VIPR2: variants seen among roughly 807,000 people sequenced by gnomAD.
VIPR2 encodes vasoactive intestinal peptide receptor 2.
Under a neutral mutation model 58.0 loss-of-function variants are expected in VIPR2, and 48 were observed. The observed-to-expected ratio is 0.83, with a 90% confidence interval of 0.66 to 1.05. The LOEUF is 1.05. VIPR2 is among the 50% of genes least tolerant of loss of function. The probability of loss-of-function intolerance (pLI) is 0.00; values close to 1 mark genes in which losing one functional copy is unlikely to be tolerated. For missense variants in VIPR2, 534 were observed against 558.0 expected (o/e 0.96, Z 0.43); for synonymous variants, 243 against 235.2 (o/e 1.03, Z -0.30).
At chr7:159,063,237 G>A (rs1051995566) in intron 4 of VIPR2, among the ~76,000 whole-genome samples, 1 of 146,318 alleles carries the variant, frequency 6.8e-6, no homozygotes, top group Non-Finnish European at 1.5e-5. Flanking sequence ...CGGCGGGGTG[G>A]GGGGAGACTC....
chr7:159,142,015 TC>T (rs199575286), intron 2 of VIPR2, among the ~76,000 whole-genome samples: 2,120 of 152,254 alleles, frequency 0.014, 27 homozygotes, highest in Non-Finnish European at 0.021. Context: ...ACAACCAAAG[TC>T]CCATTTTCCT....
chr7:159,128,475 G>A lies in VIPR2; in HGVS notation c.151+13971C>T, dbSNP rs1376480657. 6.6e-6 allele frequency among the ~76,000 whole-genome samples: 1 copy of A among 152,118 alleles called. No individual in the cohort carries two copies. The highest frequency in any genetic ancestry group is 1.5e-5 in the Non-Finnish European group (1 of 68,004). ...CCCCTGGCCACTCCCCTCCTGCCTT[G>A]GGCCTCCCACCTGTGTGCTGGGACC... On this transcript the variant is annotated intron_variant, in intron 2 of 12. Coordinates refer to ENST00000262178, the MANE Select transcript of VIPR2 (RefSeq NM_003382.5). The surrounding 1 kb of genome is among the most constrained non-coding windows in gnomAD (Gnocchi z 4.1).
At chr7:159,117,520 C>T (rs545760007) in intron 2 of VIPR2, 27 of 673,590 alleles carry the variant, frequency 4.0e-5, no homozygotes, top group Admixed American at 1.3e-4. Context: ...GAGTCATGGA[C>T]ACAGATGGGT....
chr7:159,107,696 G>A lies in VIPR2; in HGVS notation c.259+2116C>T, dbSNP rs1247620002. ...GGAGCTGCCCGCTGCTTCTGGAACT[G>A]CTGCAGGGCAGGGTTAGGACCCGGG... On this transcript the variant is annotated intron_variant, in intron 3 of 12. Transcript: ENST00000262178. 2.6e-5 allele frequency among the ~76,000 whole-genome samples: 4 copies of A among 152,272 alleles called. No individual in the cohort carries two copies. In the East Asian group the frequency reaches 5.8e-4, roughly 22 times the overall value.
At chr7:159,144,101 C>T (rs993368382) in intron 1 of VIPR2, among the ~76,000 whole-genome samples, 2 of 152,140 alleles carry the variant, frequency 1.3e-5, no homozygotes, top group Non-Finnish European at 2.9e-5. Flanking sequence ...AAACAAGGCT[C>T]GGGTTTTTTT....
At chr7:159,055,193 G>A (rs1021316862) in intron 5 of VIPR2, among the ~76,000 whole-genome samples, 6 of 152,220 alleles carry the variant, frequency 3.9e-5, no homozygotes, top group African/African-American at 1.2e-4. Context: ...AATGCTGAGT[G>A]AAAGAACCCA....
intron 2 of VIPR2, among the ~76,000 whole-genome samples, chr7:159,111,091 G>A (rs1000843799): frequency 7.2e-5 from 11 of 152,212 alleles, no homozygotes; most frequent in Non-Finnish European, 1.6e-4. Context: ...GTGAGCCCCC[G>A]TGTAAGGCTG....
chr7:159,043,957 G>C (rs1854496646), intron 5 of VIPR2, among the ~76,000 whole-genome samples: 1 of 152,198 alleles, frequency 6.6e-6, no homozygotes, highest in African/African-American at 2.4e-5. Context: ...GCTCTCACAT[G>C]AAGTGGGGAA....
rs1305141887 is a variant in VIPR2 at position 159,059,704 on chromosome 7, G to A, written c.358-1126C>T. On this transcript the variant is annotated intron_variant, in intron 4 of 12. Transcript: ENST00000262178. The stretch of plus-strand genomic sequence containing the variant: ...CCTCATCCTTCCCGACTCCACTCAC[G>A]AGAATATGTCATTAACCACCACCCT... Among the ~76,000 whole-genome samples the A allele has an allele frequency of 3.3e-5, 5 of 151,928 alleles. No individual in the cohort carries two copies. The East Asian group carries it at 7.7e-4, about 23-fold the overall frequency.
At chr7:159,074,351 C>G (rs1856543007) in intron 4 of VIPR2, among the ~76,000 whole-genome samples, 3 of 152,214 alleles carry the variant, frequency 2.0e-5, no homozygotes, top group Non-Finnish European at 4.4e-5. Flanking sequence ...AAAGACTCAG[C>G]TTGCTCAGGA....
chr7:159,114,574 AT>A (rs1192999617), intron 2 of VIPR2, among the ~76,000 whole-genome samples: 1 of 152,000 alleles, frequency 6.6e-6, no homozygotes, highest in East Asian at 1.9e-4. Context: ...GCCATTTCTA[AT>A]TTTTTAAAAC....
chr7:159,130,541 C>T (rs1796861384), intron 2 of VIPR2, among the ~76,000 whole-genome samples: 1 of 151,838 alleles, frequency 6.6e-6, no homozygotes, highest in Admixed American at 6.6e-5. Context: ...TGATTCAGCC[C>T]ACTGAGGACC....
intron 2 of VIPR2, among the ~76,000 whole-genome samples, chr7:159,118,330 G>T (rs1395637378): frequency 6.6e-6 from 1 of 152,234 alleles, no homozygotes; most frequent in Admixed American, 6.5e-5. Context: ...CGATTGCCTG[G>T]TTGTGATGGA....
intron 4 of VIPR2, among the ~76,000 whole-genome samples, chr7:159,060,509 A>G (rs949881970): frequency 6.6e-6 from 1 of 150,862 alleles, no homozygotes; most frequent in Admixed American, 6.6e-5. Flanking sequence ...CTTATCCATA[A>G]CTCTTACCTC....
chr7:159,123,576 T>A (rs909297378), intron 2 of VIPR2, among the ~76,000 whole-genome samples: 2 of 152,182 alleles, frequency 1.3e-5, no homozygotes, highest in African/African-American at 4.8e-5. Flanking sequence ...TAAGGTTGAT[T>A]CTATGTCTTT....
intron 3 of VIPR2, among the ~76,000 whole-genome samples, chr7:159,108,887 T>A (rs1191762358): frequency 1.3e-5 from 2 of 152,198 alleles, no homozygotes; most frequent in Admixed American, 1.3e-4. Flanking sequence ...AGGTTCTAAC[T>A]CAGGGGTGGG....
chr7:159,114,255 G>A (rs1015729728), intron 2 of VIPR2, among the ~76,000 whole-genome samples: 3 of 152,018 alleles, frequency 2.0e-5, no homozygotes, highest in Non-Finnish European at 2.9e-5. Context: ...AGGAGTGTGC[G>A]CCGAGGCACA....
At chr7:159,119,599 C>A (rs1483829637) in intron 2 of VIPR2, among the ~76,000 whole-genome samples, 1 of 152,236 alleles carries the variant, frequency 6.6e-6, no homozygotes, top group Non-Finnish European at 1.5e-5. Flanking sequence ...CATTCATCAC[C>A]AGAAGCCCAA....
intron 2 of VIPR2, among the ~76,000 whole-genome samples, chr7:159,121,411 G>A (rs1352374143): frequency 3.3e-5 from 5 of 152,138 alleles, no homozygotes; most frequent in East Asian, 3.9e-4. Flanking sequence ...GTCCAGCAAC[G>A]TCAGGGACTT....
Sources: allele counts gnomAD v4.1 joint callset (sites outside exome capture counted in the v4.1 genomes callset), GRCh38; gene constraint gnomAD v4.1.1; non-coding constraint Gnocchi (gnomAD v3.1); transcripts MANE v1.5; gene names NCBI Gene and HGNC (gene_info 2026-07-23, HGNC 2026-07-21).